The following XRCC4 variants were observed in gnomAD, a reference collection of about 807,000 sequenced individuals.
XRCC4 encodes DNA repair protein XRCC4.
XRCC4 carries 28 observed loss-of-function variants against 39.1 expected under a neutral mutation model. The ratio of observed to expected loss-of-function variants is 0.72; its 90% confidence interval spans 0.53 to 0.98. The LOEUF is 0.98. XRCC4 is among the 50% of genes least tolerant of loss of function. XRCC4 has a pLI of 0.00. For synonymous variants in XRCC4, 123 were observed against 126.4 expected (o/e 0.97, Z 0.18); for missense variants, 350 against 376.4 (o/e 0.93, Z 0.58).
At chr5:83,347,681 G>C (rs974841167) in intron 7 of XRCC4, among the ~76,000 whole-genome samples, 1 of 152,028 alleles carries the variant, frequency 6.6e-6, no homozygotes, top group Non-Finnish European at 1.5e-5. Flanking sequence ...TGCCATCCCT[G>C]GCCCCTCCCA....
rs1756239463 is a variant in XRCC4, at chr5:83,325,813, G to A, written c.894-27318G>A. Among the ~76,000 whole-genome samples the A allele has an allele frequency of 2.6e-5, 4 of 151,998 alleles. 1 individual carries two copies. In the South Asian group the frequency reaches 8.3e-4, roughly 32 times the overall value. ...ATAATAGAATTATTCTATTTCTTTAGATATATATACAGTAATGGGATTGCT... is the reference window on the plus strand; with the variant it reads ...ATAATAGAATTATTCTATTTCTTTAAATATATATACAGTAATGGGATTGCT... On this transcript the variant is annotated intron_variant, in intron 7 of 7. Transcript: ENST00000396027.
intron 2 of XRCC4, among the ~76,000 whole-genome samples, chr5:83,108,756 C>T (rs1386315772): frequency 2.6e-5 from 4 of 151,658 alleles, no homozygotes; most frequent in African/African-American, 9.7e-5. Flanking sequence ...AACTGTTCTT[C>T]CTAGGTATTG....
At chr5:83,345,034 A>AT (rs1756877531) in intron 7 of XRCC4, among the ~76,000 whole-genome samples, 1 of 151,966 alleles carries the variant, frequency 6.6e-6, no homozygotes, top group South Asian at 2.1e-4. Flanking sequence ...CTTTACCTCC[A>AT]TTGTTTCCTC....
chr5:83,248,714 G>C (rs1753201641), intron 6 of XRCC4, among the ~76,000 whole-genome samples: 1 of 152,104 alleles, frequency 6.6e-6, no homozygotes, highest in Non-Finnish European at 1.5e-5. Context: ...AATAAACCAT[G>C]ATAAATTGAC....
intron 3 of XRCC4, among the ~76,000 whole-genome samples, chr5:83,169,794 T>G (rs1236433335): frequency 6.6e-6 from 1 of 152,164 alleles, no homozygotes; most frequent in Non-Finnish European, 1.5e-5. Context: ...GGATGGAATA[T>G]TTAAAATAAA....
intron 3 of XRCC4, among the ~76,000 whole-genome samples, chr5:83,169,587 C>T (rs1452427812): frequency 6.6e-6 from 1 of 152,124 alleles, no homozygotes; most frequent in East Asian, 1.9e-4. Flanking sequence ...AAAGAGTAAG[C>T]CAACCCAGGC....
chr5:83,159,448 G>A (rs1749104581), intron 3 of XRCC4, among the ~76,000 whole-genome samples: 1 of 152,064 alleles, frequency 6.6e-6, no homozygotes, highest in African/African-American at 2.4e-5. Context: ...AAACAGATAG[G>A]CATAGTGAAA....
intron 7 of XRCC4, among the ~76,000 whole-genome samples, chr5:83,309,254 G>A (rs193207608): frequency 0.021 from 2,012 of 97,064 alleles, 51 homozygotes; most frequent in African/African-American, 0.07. Flanking sequence ...GTGACAGAGC[G>A]AGACTCCGTC....
At chr5:83,324,377 A>G (rs189855650) in intron 7 of XRCC4, among the ~76,000 whole-genome samples, 1 of 152,266 alleles carries the variant, frequency 6.6e-6, no homozygotes, top group East Asian at 1.9e-4. Context: ...TAACTCCACA[A>G]CATTAACTGG....
intron 6 of XRCC4, among the ~76,000 whole-genome samples, chr5:83,218,062 T>TATATATATATATATATATATATATATA (rs1554065873): frequency 8.1e-5 from 12 of 147,600 alleles, no homozygotes; most frequent in African/African-American, 3.0e-4. Context: ...TTTACCTTTT[T>TATATATATATATATATATATATATATA]TATATATATA....
At chr5:83,184,148 T>C (rs1170832881) in intron 3 of XRCC4, among the ~76,000 whole-genome samples, 1 of 152,056 alleles carries the variant, frequency 6.6e-6, no homozygotes, top group African/African-American at 2.4e-5. Context: ...GTTTGAAAAA[T>C]TTCTTAGAAA....
chr5:83,165,963 G>A (rs948872147), intron 3 of XRCC4, among the ~76,000 whole-genome samples: 9 of 143,960 alleles, frequency 6.3e-5, no homozygotes, highest in Non-Finnish European at 1.0e-4. Context: ...TTGGCTCACT[G>A]CAACCTCCAC....
intron 7 of XRCC4, among the ~76,000 whole-genome samples, chr5:83,295,611 G>T (rs551687749): frequency 4.1e-4 from 62 of 152,122 alleles, no homozygotes; most frequent in African/African-American, 1.4e-3. Flanking sequence ...CTTTTTAGGG[G>T]TGAGGTATTC....
At position 83,277,152 on chromosome 5, in the gene XRCC4, A is replaced by G. The variant is rs115345152; in HGVS notation, c.893+18475A>G. 7.2e-3 allele frequency among the ~76,000 whole-genome samples: 1,099 copies of G among 152,350 alleles called. 7 individuals carry two copies. The highest frequency in any genetic ancestry group is 0.024 in the African/African-American group (993 of 41,584). On this transcript the variant is annotated intron_variant, in intron 7 of 7. Transcript: ENST00000396027. ...GATTTCATAGTTTAGTCAGGCAGAG[A>G]AAACAAAGATATATGAAACCATAAT... is the stretch of plus-strand genomic sequence containing the variant.
chr5:83,263,960 AG>A (rs1337846012), intron 7 of XRCC4, among the ~76,000 whole-genome samples: 2 of 152,052 alleles, frequency 1.3e-5, no homozygotes, highest in African/African-American at 4.8e-5. Context: ...GTTTTCTTCT[AG>A]GGTTTTTATG....
chr5:83,342,373 C>T (rs1385419701), intron 7 of XRCC4, among the ~76,000 whole-genome samples: 1 of 152,080 alleles, frequency 6.6e-6, no homozygotes, highest in African/African-American at 2.4e-5. Flanking sequence ...GTATATTTTA[C>T]AGGAAAATTT....
intron 1 of XRCC4, among the ~76,000 whole-genome samples, chr5:83,086,909 C>A (rs6880566): frequency 3.3e-5 from 5 of 151,924 alleles, no homozygotes; most frequent in African/African-American, 7.3e-5. Flanking sequence ...ACCTAAATGC[C>A]TAACCATGAT....
chr5:83,110,689 T>C (rs1042056957), intron 2 of XRCC4, among the ~76,000 whole-genome samples: 8 of 152,076 alleles, frequency 5.3e-5, no homozygotes, highest in African/African-American at 1.7e-4. Context: ...ACTGAACTTA[T>C]TATTCATTGT....
intron 3 of XRCC4, among the ~76,000 whole-genome samples, chr5:83,142,859 A>G (rs374732735): frequency 2.5e-4 from 38 of 152,356 alleles, no homozygotes; most frequent in African/African-American, 8.7e-4. Context: ...AGTGCTAAAC[A>G]TTAAACATTA....
Sources: allele counts gnomAD v4.1 joint callset (sites outside exome capture counted in the v4.1 genomes callset), GRCh38; gene constraint gnomAD v4.1.1; transcripts MANE v1.5; gene names NCBI Gene and HGNC (gene_info 2026-07-23, HGNC 2026-07-21).